The following TPTE variants were observed in gnomAD, a reference collection of about 807,000 sequenced individuals.
TPTE encodes the protein putative tyrosine-protein phosphatase TPTE.
TPTE carries 59 observed loss-of-function variants against 84.1 expected under a neutral mutation model. The observed-to-expected ratio is 0.70, with a 90% confidence interval of 0.57 to 0.87. The LOEUF is 0.87. TPTE is among the 40% of genes least tolerant of loss of function. The pLI is 0.00. For missense variants in TPTE, 382 were observed against 659.6 expected, an observed-to-expected ratio of 0.58 and a Z score of 4.61; for synonymous variants, 130 against 223.5, an observed-to-expected ratio of 0.58 and a Z score of 3.73.
chr21:10,564,866 C>T, intron 10 of TPTE, among the ~76,000 whole-genome samples: 1 of 152,424 alleles, frequency 6.6e-6, no homozygotes, highest in South Asian at 2.1e-4. Context: ...TAATAAAAAC[C>T]ATATATGACA....
At chr21:10,604,461 T>C (rs1372067137) in intron 23 of TPTE, among the ~76,000 whole-genome samples, 3 of 152,310 alleles carry the variant, frequency 2.0e-5, no homozygotes, top group Non-Finnish European at 4.4e-5. Flanking sequence ...CCAGTCCTAA[T>C]CTTTTCTTCA....
intron 3 of TPTE, among the ~76,000 whole-genome samples, chr21:10,536,699 C>T (rs2074273286): frequency 6.6e-6 from 1 of 152,306 alleles, no homozygotes; most frequent in South Asian, 2.1e-4. Context: ...TATAAACCTC[C>T]TAACTATAGG....
At chr21:10,567,544 T>C (rs2074949055) in intron 10 of TPTE, 126 bp from the exon 11 acceptor site, 7 of 1,506,312 alleles carry the variant, frequency 4.6e-6, no homozygotes, top group Non-Finnish European at 6.2e-6. Context: ...CTCTAGAAAA[T>C]ACATTTTAAA....
At chr21:10,531,879 C>T (rs555359683) in intron 3 of TPTE, among the ~76,000 whole-genome samples, 5 of 152,414 alleles carry the variant, frequency 3.3e-5, no homozygotes, top group Admixed American at 1.3e-4. Flanking sequence ...CATTTGTCTC[C>T]CAGTGGTAGG....
At chr21:10,565,679 T>C (rs1449962890) in intron 10 of TPTE, among the ~76,000 whole-genome samples, 8 of 152,308 alleles carry the variant, frequency 5.3e-5, no homozygotes, top group African/African-American at 1.7e-4. Context: ...TGGAATAGAA[T>C]AGAGAACCCA....
chr21:10,565,282 A>G (rs1303008193), intron 10 of TPTE, among the ~76,000 whole-genome samples: 1 of 152,310 alleles, frequency 6.6e-6, no homozygotes, highest in Non-Finnish European at 1.5e-5. Context: ...TTAAATACCT[A>G]GAAATTAACC....
At chr21:10,601,901 A>G (rs1485117064) in intron 21 of TPTE, among the ~76,000 whole-genome samples, 157 bp from the exon 22 acceptor site, 1 of 152,310 alleles carries the variant, frequency 6.6e-6, no homozygotes, top group African/African-American at 2.4e-5. Context: ...CAGTATTGCA[A>G]CTAGAAGAGA....
At chr21:10,529,174 ACT>A (rs2074133768) in intron 3 of TPTE, among the ~76,000 whole-genome samples, 1 of 149,226 alleles carries the variant, frequency 6.7e-6, no homozygotes. Context: ...ACAGAGCAAA[ACT>A]CTGTCTCAAA....
At chr21:10,586,055 T>C (rs2075358773) in intron 17 of TPTE, among the ~76,000 whole-genome samples, 1 of 152,304 alleles carries the variant, frequency 6.6e-6, no homozygotes, top group African/African-American at 2.4e-5. Flanking sequence ...GTCTCTATTT[T>C]TTACTTATTT....
intron 17 of TPTE, among the ~76,000 whole-genome samples, chr21:10,589,718 G>A (rs1380309915): frequency 6.6e-6 from 1 of 152,288 alleles, no homozygotes; most frequent in Non-Finnish European, 1.5e-5. Flanking sequence ...CTGTCTGCCT[G>A]TCTCACATAC....
intron 23 of TPTE, among the ~76,000 whole-genome samples, chr21:10,605,064 ATAAAT>A (rs1305484563): frequency 1.3e-5 from 2 of 152,296 alleles, no homozygotes; most frequent in African/African-American, 4.8e-5. Flanking sequence ...AACCTCACAC[ATAAAT>A]TAAAAGAGAT....
chr21:10,596,456 C>A (rs1179099870), intron 20 of TPTE, among the ~76,000 whole-genome samples: 1 of 152,310 alleles, frequency 6.6e-6, no homozygotes, highest in African/African-American at 2.4e-5. Context: ...TCAGAACCAC[C>A]TCTAGTTCAG....
chr21:10,553,707 G>A (rs1354470256), intron 8 of TPTE, among the ~76,000 whole-genome samples: 1 of 152,300 alleles, frequency 6.6e-6, no homozygotes, highest in African/African-American at 2.4e-5. Context: ...CATAACAGGG[G>A]GATGATATTG....
chr21:10,524,369 A>G (rs527246348), intron 1 of TPTE, among the ~76,000 whole-genome samples: 7 of 152,430 alleles, frequency 4.6e-5, no homozygotes, highest in African/African-American at 1.7e-4. Context: ...GACCTTACAG[A>G]GTCCCCTTAC....
intron 3 of TPTE, among the ~76,000 whole-genome samples, chr21:10,533,121 T>C (rs2145592543): frequency 6.6e-6 from 1 of 152,420 alleles, no homozygotes; most frequent in South Asian, 2.1e-4. Context: ...TCCATAACAT[T>C]CTTCTTTAGT....
Position 10,605,425 on chromosome 21 carries a change from T to A in TPTE, c.1529T>A (p.Leu510Gln). Reference sequence around the variant, plus strand: ...TTTTTTTCTATTCTTAGGCTTTATCTACCAAAAAATGAATTGGATAATCTA... The same window carrying A: ...TTTTTTTCTATTCTTAGGCTTTATCAACCAAAAAATGAATTGGATAATCTA... ...TSFIENNRLY[L>Q]PKNELDNLHK... is the part of the protein sequence containing the mutation. The change falls in exon 24 of 24, where the codon CTA becomes CAA. Residue 510 changes from leucine (L) to glutamine (Q), a missense_variant. Leu to Gln is a moderately radical substitution (Grantham distance 113). Around this residue, in one of 10 missense-constraint regions of TPTE, gnomAD observed 120 missense variants for 79.1 expected, o/e 1.52. Transcript: ENST00000618007. The A allele has an allele frequency of 1.2e-6, 2 of 1,614,040 alleles. No homozygotes were observed. The highest frequency in any genetic ancestry group is 1.7e-6 in the Non-Finnish European group (2 of 1,179,946).
intron 18 of TPTE, among the ~76,000 whole-genome samples, chr21:10,590,848 G>A (rs1323477417): frequency 2.6e-5 from 4 of 152,426 alleles, no homozygotes; most frequent in African/African-American, 7.2e-5. Flanking sequence ...AATCGATGAT[G>A]TATACAATAT....
intron 7 of TPTE, among the ~76,000 whole-genome samples, chr21:10,547,187 T>C (rs1355760666): frequency 1.8e-3 from 281 of 152,276 alleles, no homozygotes; most frequent in African/African-American, 6.6e-3. Flanking sequence ...TCAAGCAAGA[T>C]GGGTGACTAG....
intron 8 of TPTE, among the ~76,000 whole-genome samples, chr21:10,557,143 C>G (rs2145663558): frequency 6.6e-6 from 1 of 152,428 alleles, no homozygotes; most frequent in Non-Finnish European, 1.5e-5. Flanking sequence ...TCAGCTGACT[C>G]AAGCACTTTG....
Sources: allele counts gnomAD v4.1 joint callset (sites outside exome capture counted in the v4.1 genomes callset), GRCh38; gene constraint gnomAD v4.1.1; regional missense constraint gnomAD v4.1.1; transcripts MANE v1.5; gene names NCBI Gene and HGNC (gene_info 2026-07-23, HGNC 2026-07-21).